SOCS2: variants seen among roughly 807,000 people sequenced by gnomAD.
SOCS2 encodes suppressor of cytokine signaling 2, also known as CIS-2.
Under a neutral mutation model 18.6 loss-of-function variants are expected in SOCS2, and 10 were observed. The observed-to-expected ratio is 0.54, with a 90% CI of 0.33 to 0.91. The LOEUF (loss-of-function observed/expected upper bound fraction) is 0.91. Among genes scored for constraint, SOCS2 ranks in the 40% least tolerant of loss-of-function variants. The pLI is 0.02. For missense variants in SOCS2, 231 were observed against 247.2 expected (o/e 0.93, Z 0.44); for synonymous variants, 104 against 104.0 (o/e 1.00, Z 0.00).
chr12:93,574,770 A>T lies in SOCS2; in HGVS notation c.188A>T (p.Lys63Ile). 1 of 1,614,102 alleles carries T rather than the reference A, an allele frequency of 6.2e-7. No individual in the cohort carries two copies. The highest frequency in any genetic ancestry group is 1.6e-4 in the Middle Eastern group (1 of 6,062). Residue 63 changes from lysine to isoleucine, a missense_variant, in exon 2 of 2, where the codon AAA (lysine) becomes ATA (isoleucine). By Grantham distance (102) the Lys-to-Ile change is moderately radical. Around this residue, in one of 3 missense-constraint regions of SOCS2, gnomAD observed 106 missense variants for 103.8 expected, o/e 1.02. Coordinates refer to ENST00000551556, the MANE Select transcript of SOCS2 (RefSeq NM_001270471.2). ...MTVNEAKEKL[K>I]EAPEGTFLIR... ...GTTAATGAAGCCAAAGAGAAATTAA[A>T]AGAGGCACCAGAAGGAACTTTCTTG... is the stretch of plus-strand genomic sequence containing the variant.
chr12:93,587,934 C>T (rs913494254), downstream of SOCS2, among the ~76,000 whole-genome samples: 2 of 152,152 alleles, frequency 1.3e-5, no homozygotes, highest in African/African-American at 4.8e-5. Context: ...AAGGAGCTAT[C>T]GAAGGCTTTT....
chr12:93,597,498 T>G, the SOCS2 span, among the ~76,000 whole-genome samples: 1 of 152,140 alleles, frequency 6.6e-6, no homozygotes. Context: ...GTATTTTCAG[T>G]AGAGATGGGG....
At chr12:93,578,493 C>G (rs888966550), downstream of SOCS2, among the ~76,000 whole-genome samples, 4 of 152,122 alleles carry the variant, frequency 2.6e-5, no homozygotes, top group African/African-American at 9.7e-5. Flanking sequence ...TTAAGTCGTC[C>G]TTTCTATCCT....
At chr12:93,603,770 T>C in the SOCS2 span, among the ~76,000 whole-genome samples, 1 of 152,178 alleles carries the variant, frequency 6.6e-6, no homozygotes, top group Non-Finnish European at 1.5e-5. Flanking sequence ...TGGAATGTAG[T>C]CTGAAAATGG....
At chr12:93,610,727 G>C in the SOCS2 span, among the ~76,000 whole-genome samples, 1 of 152,018 alleles carries the variant, frequency 6.6e-6, no homozygotes, top group Admixed American at 6.6e-5. Context: ...TCCGTTTTCT[G>C]CCCTTCCACC....
At chr12:93,605,610 A>G in the SOCS2 span, among the ~76,000 whole-genome samples, 4 of 152,258 alleles carry the variant, frequency 2.6e-5, no homozygotes, top group Admixed American at 2.6e-4. Flanking sequence ...AATCAGGCAC[A>G]TTTGTAATTA....
the SOCS2 span, among the ~76,000 whole-genome samples, chr12:93,590,822 A>AAAAAAAAAAG: frequency 7.0e-6 from 1 of 142,884 alleles, no homozygotes; most frequent in African/African-American, 2.7e-5. Flanking sequence ...AAAAAAAAAA[A>AAAAAAAAAAG]GTTAGCTTCC....
chr12:93,596,088 G>A, the SOCS2 span, among the ~76,000 whole-genome samples: 4 of 152,156 alleles, frequency 2.6e-5, no homozygotes, highest in African/African-American at 9.7e-5. Flanking sequence ...TAAATGGTTG[G>A]ATAGGACAGT....
chr12:93,610,174 C>T, the SOCS2 span, among the ~76,000 whole-genome samples: 1 of 152,156 alleles, frequency 6.6e-6, no homozygotes, highest in Non-Finnish European at 1.5e-5. Flanking sequence ...AAAATATCCA[C>T]ACATATGTTA....
At chr12:93,588,138 T>C (rs1474386915), downstream of SOCS2, among the ~76,000 whole-genome samples, 1 of 152,224 alleles carries the variant, frequency 6.6e-6, no homozygotes, top group Non-Finnish European at 1.5e-5. Context: ...AACTGAAATT[T>C]AGCATTTCCT....
the SOCS2 span, among the ~76,000 whole-genome samples, chr12:93,604,006 C>T: frequency 6.6e-6 from 1 of 152,056 alleles, no homozygotes; most frequent in African/African-American, 2.4e-5. Context: ...AGTTTGGTTG[C>T]CAAATAAAAG....
chr12:93,600,860 C>T, the SOCS2 span, among the ~76,000 whole-genome samples: 1 of 151,004 alleles, frequency 6.6e-6, no homozygotes, highest in African/African-American at 2.4e-5. Flanking sequence ...GTGATCATGG[C>T]TCACTGACGA....
the SOCS2 span, among the ~76,000 whole-genome samples, chr12:93,590,571 C>T: frequency 1.3e-5 from 2 of 151,216 alleles, no homozygotes; most frequent in Non-Finnish European, 2.9e-5. Context: ...CCGAAGTGGG[C>T]GGATCACGAG....
At chr12:93,626,072 C>G in the SOCS2 span, among the ~76,000 whole-genome samples, 1 of 152,114 alleles carries the variant, frequency 6.6e-6, no homozygotes, top group East Asian at 1.9e-4. Context: ...GGGTTTTAGA[C>G]GGTTCTGCCA....
At chr12:93,604,818 C>A in the SOCS2 span, among the ~76,000 whole-genome samples, 7 of 151,808 alleles carry the variant, frequency 4.6e-5, no homozygotes, top group African/African-American at 1.7e-4. Flanking sequence ...GGCCCCACAC[C>A]TGGCTGATAT....
At chr12:93,614,416 T>TCTTC in the SOCS2 span, among the ~76,000 whole-genome samples, 1 of 112,138 alleles carries the variant, frequency 8.9e-6, no homozygotes, top group Non-Finnish European at 1.9e-5. Flanking sequence ...TTTCTTTCTT[T>TCTTC]CTTCCTTTCT....
chr12:93,594,570 T>C, the SOCS2 span, among the ~76,000 whole-genome samples: 27 of 152,160 alleles, frequency 1.8e-4, no homozygotes, highest in African/African-American at 6.3e-4. Flanking sequence ...GTTTTCCAAA[T>C]CAAGAAATCT....
chr12:93,589,142 C>A, the SOCS2 span, among the ~76,000 whole-genome samples: 2 of 152,346 alleles, frequency 1.3e-5, no homozygotes, highest in East Asian at 1.9e-4. Context: ...CAGTCCTACA[C>A]CTTTCTCAAC....
downstream of SOCS2, among the ~76,000 whole-genome samples, chr12:93,580,090 G>A (rs1954517853): frequency 6.6e-6 from 1 of 152,180 alleles, no homozygotes; most frequent in South Asian, 2.1e-4. Context: ...TCCTGTCTCA[G>A]CATAAATGCC....
Sources: allele counts gnomAD v4.1 joint callset (sites outside exome capture counted in the v4.1 genomes callset), GRCh38; gene constraint gnomAD v4.1.1; regional missense constraint gnomAD v4.1.1; transcripts MANE v1.5; gene names NCBI Gene and HGNC (gene_info 2026-07-23, HGNC 2026-07-21).